SCN8A: variants seen among roughly 807,000 people sequenced by gnomAD.
SCN8A encodes sodium channel protein type 8 subunit alpha.
SCN8A carries 30 observed loss-of-function variants against 184.1 expected under a neutral mutation model. The observed-to-expected ratio is 0.16, with a 90% CI of 0.12 to 0.22. The LOEUF (loss-of-function observed/expected upper bound fraction) is 0.22, where lower values mean the gene tolerates loss of function less well. Ranked by LOEUF, SCN8A falls within the 10% of genes least tolerant of loss-of-function variation. The pLI is 1.00. For synonymous variants in SCN8A, 852 were observed against 907.0 expected (o/e 0.94, Z 1.09); for missense variants, 1,057 against 2,498.9 (o/e 0.42, Z 12.30).
chr12:51,695,819 A>G (rs1324840699), intron 6 of SCN8A, among the ~76,000 whole-genome samples: 1 of 152,244 alleles, frequency 6.6e-6, no homozygotes, highest in African/African-American at 2.4e-5. Flanking sequence ...CCTGTAGGAA[A>G]GGATCTGGAT....
chr12:51,780,617 TGTTTTTG>T (rs1937887811), intron 20 of SCN8A, 25 bp from the exon 21 acceptor site: 1 of 929,794 alleles, frequency 1.1e-6, no homozygotes, highest in Non-Finnish European at 1.5e-6. Context: ...TTACCTTTTT[TGTTTTTG>T]TTTTTCTCTT....
intron 1 of SCN8A, among the ~76,000 whole-genome samples, chr12:51,616,222 G>C (rs1195235700): frequency 1.3e-5 from 2 of 151,882 alleles, no homozygotes; most frequent in African/African-American, 4.8e-5. Context: ...AATTATTTTG[G>C]TTTTCTTTAT....
intron 1 of SCN8A, among the ~76,000 whole-genome samples, chr12:51,657,591 CTGAT>C (rs1565876527): frequency 6.6e-6 from 1 of 152,134 alleles, no homozygotes; most frequent in South Asian, 2.1e-4. Flanking sequence ...CTTCACTCTG[CTGAT>C]TGTTTCCTTT....
intron 3 of SCN8A, among the ~76,000 whole-genome samples, chr12:51,685,368 G>A (rs1022279272): frequency 1.3e-5 from 2 of 152,186 alleles, no homozygotes; most frequent in Admixed American, 6.5e-5. Flanking sequence ...ATTAACAAGA[G>A]AGAGTGAATT....
intron 20 of SCN8A, among the ~76,000 whole-genome samples, chr12:51,775,553 C>T (rs1434678799): frequency 3.3e-5 from 5 of 152,154 alleles, no homozygotes; most frequent in Admixed American, 6.5e-5. Flanking sequence ...GTGAGACCCT[C>T]GCAGCGAGAG....
chr12:51,698,744 A>T (rs79866608), intron 6 of SCN8A, among the ~76,000 whole-genome samples: 2,016 of 152,360 alleles, frequency 0.013, 42 homozygotes, highest in African/African-American at 0.046. Context: ...AAAGCAGGGA[A>T]TGTATGTGAT....
intron 14 of SCN8A, among the ~76,000 whole-genome samples, chr12:51,753,035 C>T (rs1942619968): frequency 6.6e-6 from 1 of 152,012 alleles, no homozygotes; most frequent in Admixed American, 6.5e-5. Context: ...TCCAGTCAGA[C>T]CAGGCTAGCA....
intron 19 of SCN8A, among the ~76,000 whole-genome samples, chr12:51,771,350 G>A (rs1037700737): frequency 3.7e-4 from 57 of 152,118 alleles, no homozygotes; most frequent in Non-Finnish European, 4.4e-4. Flanking sequence ...TTAAGGGAAA[G>A]GTGAAGAATG....
intron 16 of SCN8A, chr12:51,768,002 A>G (rs1235882904): frequency 6.6e-6 from 1 of 152,172 alleles, no homozygotes; most frequent in Non-Finnish European, 1.5e-5. Context: ...TTAACTCTAC[A>G]AATGGTGCAG....
intron 21 of SCN8A, among the ~76,000 whole-genome samples, chr12:51,783,593 C>A (rs530185120): frequency 1.3e-5 from 2 of 152,294 alleles, no homozygotes; most frequent in South Asian, 4.1e-4. Flanking sequence ...TAATGTAGTT[C>A]TTTGCTTTTC....
chr12:51,806,475 C>T lies in SCN8A; in HGVS notation c.4989C>T (p.Phe1663=), dbSNP rs1311710659. The stretch of plus-strand genomic sequence containing the variant: ...GCCTTCTGCTCTTCCTGGTCATGTT[C>T]ATCTTCTCCATTTTTGGGATGTCCA... The part of the protein sequence containing the change: ...NIGLLLFLVM[F]IFSIFGMSNF... Residue 1663 remains phenylalanine (F), a synonymous_variant, in exon 27 of 27, where the codon TTC becomes TTT. Transcript: ENST00000627620. This position sits in a 1 kb window ranked among gnomAD's most constrained non-coding sequence, Gnocchi z 8.7. 6.2e-7 allele frequency: 1 copy of T among 1,614,218 alleles called. No homozygotes were observed. Among genetic ancestry groups the T allele is most frequent in the East Asian group, 2.2e-5 (1 of 44,884 alleles).
intron 26 of SCN8A, among the ~76,000 whole-genome samples, chr12:51,799,503 C>G (rs1263004869): frequency 6.6e-6 from 1 of 152,178 alleles, no homozygotes; most frequent in Non-Finnish European, 1.5e-5. Context: ...CTCCAAAATC[C>G]TACGGACCTC....
At chr12:51,760,229 A>C (rs1020727076) in intron 14 of SCN8A, among the ~76,000 whole-genome samples, 13 of 152,240 alleles carry the variant, frequency 8.5e-5, no homozygotes, top group Non-Finnish European at 1.8e-4. Flanking sequence ...AGTGCAAACA[A>C]GAGCATCATA....
intron 13 of SCN8A, among the ~76,000 whole-genome samples, chr12:51,750,929 C>T (rs772203251): frequency 6.6e-6 from 1 of 152,144 alleles, no homozygotes; most frequent in Admixed American, 6.5e-5. Flanking sequence ...CTGCTTTACA[C>T]CAGCATCTAA....
intron 1 of SCN8A, among the ~76,000 whole-genome samples, chr12:51,595,219 G>A (rs371043191): frequency 1.1e-4 from 17 of 152,156 alleles, no homozygotes; most frequent in African/African-American, 3.9e-4. Context: ...TTAAGGTGTC[G>A]AAGGAAACAG....
chr12:51,709,249 G>A (rs578077344), intron 11 of SCN8A, among the ~76,000 whole-genome samples: 1 of 152,306 alleles, frequency 6.6e-6, no homozygotes, highest in African/African-American at 2.4e-5. Context: ...TTTTAGACAA[G>A]GATAGGCAAA....
At chr12:51,610,859 T>C (rs1939706447) in intron 1 of SCN8A, among the ~76,000 whole-genome samples, 1 of 152,256 alleles carries the variant, frequency 6.6e-6, no homozygotes, top group East Asian at 1.9e-4. Flanking sequence ...TGTTGATTAC[T>C]GTAGCTTCAT....
At position 51,766,040 on chromosome 12, in the gene SCN8A, T is replaced by A. The variant is rs375198486; in HGVS notation, c.2901+13T>A. ...TGGCAACTTGGTGGTTAGTACTAATTTGTAGATATTTTTGTTCTACACCCT... is the reference window on the plus strand; with the variant it reads ...TGGCAACTTGGTGGTTAGTACTAATATGTAGATATTTTTGTTCTACACCCT... On this transcript the variant is annotated intron_variant, in intron 16 of 26. Transcript: ENST00000627620. The A allele has an allele frequency of 6.2e-6, 10 of 1,607,806 alleles. No homozygotes were observed. Among genetic ancestry groups the A allele is most frequent in the Non-Finnish European group, 8.5e-6 (10 of 1,174,496 alleles).
rs1287186792 is a variant in SCN8A, at chr12:51,811,040, A to G, written c.*3611A>G. 6.6e-6 allele frequency: 1 copy of G among 152,234 alleles called. No homozygotes were observed. Among genetic ancestry groups the G allele is most frequent in the Non-Finnish European group, 1.5e-5 (1 of 68,062 alleles). The allele number at this position is 152,234 out of a possible 1,614,324, so 9.4% of individuals were successfully genotyped here. Reference sequence around the variant, plus strand: ...CAATGCTGCCCTAATGAGACGTGATAAAAAGTCCATCACTCCTCTAAGCCA... The same window carrying G: ...CAATGCTGCCCTAATGAGACGTGATGAAAAGTCCATCACTCCTCTAAGCCA... On this transcript the variant is annotated 3_prime_UTR_variant, in exon 27 of 27. Transcript: ENST00000627620.
Sources: allele counts gnomAD v4.1 joint callset (sites outside exome capture counted in the v4.1 genomes callset), GRCh38; gene constraint gnomAD v4.1.1; non-coding constraint Gnocchi (gnomAD v3.1); transcripts MANE v1.5; gene names NCBI Gene and HGNC (gene_info 2026-07-23, HGNC 2026-07-21).